The following PIGO variants were observed in gnomAD, a reference collection of about 807,000 sequenced individuals.
PIGO encodes GPI ethanolamine phosphate transferase 3, catalytic subunit.
In PIGO, 66 loss-of-function variants were observed where a neutral mutation model predicts 86.9. That is an observed-to-expected ratio of 0.76 (90% CI 0.62 to 0.93). PIGO has a LOEUF of 0.93. PIGO is among the 40% of genes least tolerant of loss of function. The pLI, the probability that PIGO is intolerant of heterozygous loss-of-function variation, is 0.00. For missense variants in PIGO, 1,202 were observed against 1,359.1 expected (o/e 0.88, Z 1.82); for synonymous variants, 570 against 556.4 (o/e 1.02, Z -0.34).
At chr9:35,089,927 G>C (rs1829335228) in intron 9 of PIGO, 139 bp downstream of exon 9, 1 of 1,441,480 alleles carries the variant, frequency 6.9e-7, no homozygotes, top group Non-Finnish European at 9.2e-7. Context: ...ACTGCCATTT[G>C]AGGCCACTGG....
intron 10 of PIGO, 23 bp downstream of exon 10, chr9:35,089,357 A>G (rs200185693): frequency 4.7e-5 from 76 of 1,613,928 alleles, no homozygotes; most frequent in South Asian, 7.7e-5. Context: ...CACCACCTCT[A>G]CTTCTCAAGC....
rs1275436700 is a variant in PIGO at position 35,095,246 on chromosome 9, AAGG to A, written c.317_319del (p.Ser106del). Reference sequence around the variant, plus strand: ...GGGCTGAATCTCCAGGATCCTCTGCAAGGAGCTTAGTTTGCCCAGGAAGGGTAG... The same window carrying A: ...GGGCTGAATCTCCAGGATCCTCTGCAAGCTTAGTTTGCCCAGGAAGGGTAG... On this transcript the variant is annotated inframe_deletion, in exon 2 of 11. Transcript: ENST00000378617. The A allele has an allele frequency of 2.5e-6, 4 of 1,614,038 alleles. No homozygotes were observed. Among genetic ancestry groups the A allele is most frequent in the Non-Finnish European group, 2.5e-6 (3 of 1,180,018 alleles).
rs948214587 is a variant in PIGO, at chr9:35,092,048, G to A, written c.1839C>T (p.Pro613=). The A allele has an allele frequency of 1.2e-6, 2 of 1,614,232 alleles. No individual in the cohort carries two copies. Among genetic ancestry groups the A allele is most frequent in the Non-Finnish European group, 1.7e-6 (2 of 1,180,046 alleles). ...GGGCATATGCACCATTGTGCCGTGGGGGGTTTGTTGTGGCTGAAGTGCCAA... is the reference window on the plus strand; with the variant it reads ...GGGCATATGCACCATTGTGCCGTGGAGGGTTTGTTGTGGCTGAAGTGCCAA... ...PRLGTSATTN[P]PRHNGAYALR... The change falls in exon 7 of 11, where the codon CCC becomes CCT. Residue 613 remains proline (P), a synonymous_variant. Transcript: ENST00000378617.
chr9:35,095,331 G>C lies in PIGO; in HGVS notation c.235C>G (p.Arg79Gly). 2 of 1,614,176 alleles carry C rather than the reference G, an allele frequency of 1.2e-6. No individual in the cohort carries two copies. The highest frequency in any genetic ancestry group is 1.7e-6 in the Non-Finnish European group (2 of 1,180,026). ...TGCTGGGGCTGGGCGAAGTCAAATC[G>C]CAGAGCATCTATCAGCACCAACACA... ...RVVLVLIDAL[R>G]FDFAQPQHSH... Residue 79 changes from arginine (R) to glycine (G), a missense_variant, in exon 2 of 11, where the codon CGA becomes GGA. By Grantham distance (125) the Arg-to-Gly change is moderately radical. Coordinates refer to ENST00000378617, the MANE Select transcript of PIGO (RefSeq NM_032634.4).
chr9:35,092,982 C>T, intron 6 of PIGO, 48 bp downstream of exon 6: 1 of 1,564,404 alleles, frequency 6.4e-7, no homozygotes, highest in Non-Finnish European at 8.7e-7. Context: ...ATGCTTCTTT[C>T]ATGCCCACCC....
rs148341577 is a variant in PIGO at position 35,091,696 on chromosome 9, G to T, written c.2191C>A (p.Arg731Ser). ...LASGADEAPP[R>S]LRVLVSGASM... is the part of the protein sequence containing the mutation. ...GCCCCAGAGACCAGGACCCGGAGAC[G>T]GGGGGGAGCCTCATCTGCCCCCGAC... is the stretch of plus-strand genomic sequence containing the variant. The change falls in exon 7 of 11, where the codon CGT becomes AGT. Residue 731 changes from arginine (R) to serine (S), a missense_variant. Transcript: ENST00000378617. 1.2e-6 allele frequency: 2 copies of T among 1,611,734 alleles called. No individual in the cohort carries two copies. The highest frequency in any genetic ancestry group is 2.2e-5 in the South Asian group (2 of 91,016).
At position 35,092,063 on chromosome 9, in the gene PIGO, T is replaced by A; in HGVS notation, c.1824A>T (p.Ser608=). The change falls in exon 7 of 11, where the codon TCA becomes TCT. Residue 608 remains serine, a synonymous_variant. Transcript: ENST00000378617. ...TGTGCCGTGGGGGGTTTGTTGTGGC[T>A]GAAGTGCCAAGGCGGGGCATTGTGA... The part of the protein sequence containing the change: ...KLLTMPRLGT[S]ATTNPPRHNG... 1 of 1,614,180 alleles carries A rather than the reference T, an allele frequency of 6.2e-7. No homozygotes were observed. The highest frequency in any genetic ancestry group is 8.5e-7 in the Non-Finnish European group (1 of 1,180,020).
intron 3 of PIGO, 34 bp from the exon 4 acceptor site, chr9:35,094,058 A>T (rs1264464266): frequency 6.2e-7 from 1 of 1,604,240 alleles, no homozygotes; most frequent in Admixed American, 1.7e-5. Flanking sequence ...ACAGAAGACT[A>T]AGACCCACTC....
intron 9 of PIGO, 190 bp downstream of exon 9, chr9:35,089,876 T>C: frequency 7.0e-7 from 1 of 1,423,408 alleles, no homozygotes; most frequent in Non-Finnish European, 9.2e-7. Context: ...GGGGAAATGA[T>C]CCAGGACTAG....
At chr9:35,089,989 G>A (rs1340345193) in intron 9 of PIGO, 77 bp downstream of exon 9, 60 of 1,529,350 alleles carry the variant, frequency 3.9e-5, no homozygotes, top group Non-Finnish European at 5.1e-5. Flanking sequence ...TCTCTCCCAC[G>A]GTTTTGAAGG....
chr9:35,091,264 C>G lies in PIGO; in HGVS notation c.2623G>C (p.Ala875Pro), dbSNP rs1285052258. 6.2e-7 allele frequency: 1 copy of G among 1,602,584 alleles called. No homozygotes were observed. Among genetic ancestry groups the G allele is most frequent in the Non-Finnish European group, 8.5e-7 (1 of 1,173,204 alleles). Residue 875 changes from alanine to proline, a missense_variant, in exon 7 of 11, where the codon GCT becomes CCT. Transcript: ENST00000378617. ...CCAGGGGTGGTGACGGGTATCCCAGCAGCAAGCAGATGTAGGAGAAGGAAG... is the reference window on the plus strand; with the variant it reads ...CCAGGGGTGGTGACGGGTATCCCAGGAGCAAGCAGATGTAGGAGAAGGAAG... ...QSFLLLHLLA[A>P]GIPVTTPGPF...
At chr9:35,095,637 C>T (rs1460775332) in intron 1 of PIGO, 71 bp from the exon 2 acceptor site, 5 of 1,415,142 alleles carry the variant, frequency 3.5e-6, no homozygotes, top group Non-Finnish European at 4.6e-6. Flanking sequence ...TCCCTGAATA[C>T]AAGCCCAGCT....
intron 3 of PIGO, 83 bp downstream of exon 3, chr9:35,094,133 C>A (rs1829561948): frequency 1.3e-6 from 2 of 1,557,854 alleles, no homozygotes; most frequent in Admixed American, 2.0e-5. Flanking sequence ...CTGTTACACC[C>A]ATAGGTGGCT....
chr9:35,093,866 CA>C (rs1333961697), intron 4 of PIGO, 34 bp downstream of exon 4: 1 of 1,607,646 alleles, frequency 6.2e-7, no homozygotes, highest in South Asian at 1.1e-5. Flanking sequence ...TTCTCAGACA[CA>C]AACCCACTCC....
At chr9:35,090,891 C>G (rs1829387885) in intron 7 of PIGO, 6 of 590,064 alleles carry the variant, frequency 1.0e-5, no homozygotes, top group Non-Finnish European at 1.5e-5. Flanking sequence ...TGGCCAATCT[C>G]TTTCTTTCTC....
intron 9 of PIGO, 78 bp downstream of exon 9, chr9:35,089,988 C>T (rs528275198): frequency 3.2e-5 from 49 of 1,529,686 alleles, no homozygotes; most frequent in African/African-American, 1.2e-4. Context: ...CTCTCTCCCA[C>T]GGTTTTGAAG....
chr9:35,089,555 G>C, intron 9 of PIGO, 105 bp from the exon 10 acceptor site: 1 of 1,548,140 alleles, frequency 6.5e-7, no homozygotes, highest in Non-Finnish European at 8.7e-7. Context: ...CAGGAGAATA[G>C]TGCATGTCAG....
In PIGO at chr9:35,091,324, T is replaced by G. The variant is rs201481510; in HGVS notation, c.2563A>C (p.Ile855Leu). ...FPLLLLHAER[I>L]SLVFLLLFLQ... is the part of the protein sequence containing the mutation. Reference sequence around the variant, plus strand: ...AACAGAAGCAGGAACACAAGGCTGATGCGCTCCGCATGCAACAGCAGAAGT... The same window carrying G: ...AACAGAAGCAGGAACACAAGGCTGAGGCGCTCCGCATGCAACAGCAGAAGT... Residue 855 changes from isoleucine to leucine, a missense_variant, in exon 7 of 11, where the codon ATC becomes CTC. Ile to Leu is a conservative substitution (Grantham distance 5, BLOSUM62 2). Coordinates refer to ENST00000378617, the MANE Select transcript of PIGO (RefSeq NM_032634.4). The G allele has an allele frequency of 6.2e-7, 1 of 1,614,180 alleles. No individual in the cohort carries two copies. The highest frequency in any genetic ancestry group is 8.5e-7 in the Non-Finnish European group (1 of 1,180,022).
intron 9 of PIGO, chr9:35,089,846 G>A (rs1016846475): frequency 3.5e-6 from 5 of 1,411,968 alleles, no homozygotes; most frequent in Non-Finnish European, 2.8e-6. Context: ...AACTAGCGGG[G>A]TCCAGATCTA....
Sources: gnomAD v4.1 joint callset for allele counts on GRCh38, gnomAD v4.1.1 for gene constraint, MANE v1.5 for transcripts, NCBI Gene and HGNC (gene_info 2026-07-23, HGNC 2026-07-21) for gene names.